CCSER1: variants seen among roughly 807,000 people sequenced by gnomAD.
The protein encoded by CCSER1 is serine-rich coiled-coil domain-containing protein 1.
In CCSER1, 41 loss-of-function variants were observed where a neutral mutation model predicts 82.0. The observed-to-expected ratio is 0.50, with a 90% CI of 0.39 to 0.65. CCSER1 has a LOEUF of 0.65. Ranked by LOEUF, CCSER1 falls within the 30% of genes least tolerant of loss-of-function variation. The pLI, the probability that CCSER1 is intolerant of heterozygous loss-of-function variation, is 0.00. For synonymous variants in CCSER1, 414 were observed against 383.9 expected (o/e 1.08, Z -0.92); for missense variants, 1,119 against 1,064.2 (o/e 1.05, Z -0.72).
intron 3 of CCSER1, among the ~76,000 whole-genome samples, chr4:90,333,547 A>G (rs1322886255): frequency 6.6e-6 from 1 of 152,252 alleles, no homozygotes; most frequent in Non-Finnish European, 1.5e-5. Flanking sequence ...AAGAAGAGAC[A>G]TGCCTGGTCT....
intron 9 of CCSER1, among the ~76,000 whole-genome samples, chr4:90,957,599 T>A (rs534947941): frequency 3.1e-5 from 4 of 127,134 alleles, no homozygotes; most frequent in East Asian, 2.1e-4. Context: ...TTATTTATAT[T>A]ATATATAATA....
At chr4:90,566,747 C>T (rs1490948017) in intron 5 of CCSER1, among the ~76,000 whole-genome samples, 7 of 151,906 alleles carry the variant, frequency 4.6e-5, no homozygotes, top group African/African-American at 1.7e-4. Context: ...GGACTACAGA[C>T]GCCCGCCACC....
intron 1 of CCSER1, among the ~76,000 whole-genome samples, chr4:90,304,408 T>A (rs370317733): frequency 5.9e-5 from 9 of 152,248 alleles, no homozygotes; most frequent in South Asian, 2.1e-4. Flanking sequence ...CAAATGTCCA[T>A]CAATGATAGA....
At chr4:90,904,260 A>G (rs1725113615) in intron 8 of CCSER1, among the ~76,000 whole-genome samples, 1 of 152,124 alleles carries the variant, frequency 6.6e-6, no homozygotes, top group Admixed American at 6.6e-5. Context: ...TACCAACTGT[A>G]ATTAACAACA....
chr4:91,444,553 G>A (rs182133044), intron 10 of CCSER1, among the ~76,000 whole-genome samples: 6 of 151,912 alleles, frequency 3.9e-5, no homozygotes, highest in East Asian at 2.0e-4. Flanking sequence ...GGGTTCAAGC[G>A]ATCCTCCTGC....
At chr4:91,438,841 G>C (rs941690869) in intron 10 of CCSER1, among the ~76,000 whole-genome samples, 7 of 152,280 alleles carry the variant, frequency 4.6e-5, no homozygotes, top group Non-Finnish European at 8.8e-5. Flanking sequence ...AATGCAGAAG[G>C]CTCAGGAGCC....
intron 9 of CCSER1, among the ~76,000 whole-genome samples, chr4:91,009,442 C>G (rs562658364): frequency 6.6e-6 from 1 of 152,120 alleles, no homozygotes; most frequent in African/African-American, 2.4e-5. Flanking sequence ...TTGCAAGCCC[C>G]GCGTTTAAAG....
chr4:91,356,298 C>A (rs113230444), intron 10 of CCSER1, among the ~76,000 whole-genome samples: 3,011 of 152,288 alleles, frequency 0.02, 92 homozygotes, highest in African/African-American at 0.067. Context: ...GGCCGACATG[C>A]GTTTTTCTTT....
At chr4:90,554,800 G>C (rs1160559694) in intron 5 of CCSER1, among the ~76,000 whole-genome samples, 1 of 152,154 alleles carries the variant, frequency 6.6e-6, no homozygotes, top group African/African-American at 2.4e-5. Context: ...CGTTTTTAAG[G>C]GAGATATCTG....
chr4:90,570,019 G>A lies in CCSER1; in HGVS notation c.1725-58006G>A, dbSNP rs558396158. On this transcript the variant is annotated intron_variant, in intron 5 of 10. Transcript: ENST00000509176. ...GGACAAACCCACGGGTATGGTCCCA[G>A]TTCCTCAGGACTGGAAAGCACTTCT... is the stretch of plus-strand genomic sequence containing the variant. Among the ~76,000 whole-genome samples the A allele has an allele frequency of 5.3e-5, 8 of 152,320 alleles. No individual in the cohort carries two copies. In the East Asian group the frequency reaches 1.5e-3, roughly 29 times the overall value.
At chr4:91,228,455 G>C (rs572555780) in intron 10 of CCSER1, among the ~76,000 whole-genome samples, 31 of 151,816 alleles carry the variant, frequency 2.0e-4, no homozygotes, top group Admixed American at 7.2e-4. Flanking sequence ...AATGCAGAAT[G>C]AGATTAGTTA....
intron 6 of CCSER1, chr4:90,649,682 G>C (rs987535334): frequency 2.6e-5 from 4 of 152,118 alleles, no homozygotes; most frequent in African/African-American, 9.7e-5. Context: ...TGTTATAGCA[G>C]CCCAAACATA....
intron 9 of CCSER1, among the ~76,000 whole-genome samples, chr4:91,083,992 A>G (rs1208497713): frequency 2.0e-5 from 3 of 152,154 alleles, no homozygotes; most frequent in Non-Finnish European, 4.4e-5. Context: ...CAATACTCCC[A>G]TGATCTCGAC....
At chr4:90,554,006 A>G (rs1338845483) in intron 5 of CCSER1, among the ~76,000 whole-genome samples, 2 of 152,214 alleles carry the variant, frequency 1.3e-5, no homozygotes, top group African/African-American at 2.4e-5. Context: ...TCTTTTCTAC[A>G]TATCACAATG....
chr4:90,843,147 C>G (rs1209214082), intron 8 of CCSER1, among the ~76,000 whole-genome samples: 2 of 152,112 alleles, frequency 1.3e-5, no homozygotes, highest in Admixed American at 6.5e-5. Context: ...GTTACATAAC[C>G]TCTCATTTCT....
chr4:90,705,895 G>A (rs1739247337), intron 6 of CCSER1, among the ~76,000 whole-genome samples: 1 of 152,196 alleles, frequency 6.6e-6, no homozygotes, highest in South Asian at 2.1e-4. Flanking sequence ...TGCTAGGAAA[G>A]GGAATTCCCT....
chr4:90,766,789 C>T (rs1751309289), intron 7 of CCSER1, among the ~76,000 whole-genome samples: 2 of 151,920 alleles, frequency 1.3e-5, no homozygotes, highest in South Asian at 4.2e-4. Flanking sequence ...TTGGCAATAA[C>T]TCATACATAT....
At chr4:91,225,353 T>C (rs13112031) in intron 10 of CCSER1, among the ~76,000 whole-genome samples, 5 of 34,778 alleles carry the variant, frequency 1.4e-4, no homozygotes, top group Non-Finnish European at 2.5e-4. Context: ...AATATATATG[T>C]ATATATATTA....
chr4:91,496,743 AT>A lies in CCSER1; in HGVS notation c.2218-101828del, dbSNP rs1181162551. 9.7e-5 allele frequency among the ~76,000 whole-genome samples: 6 copies of A among 61,596 alleles called. No individual in the cohort carries two copies. In the East Asian group the frequency reaches 5.3e-3, roughly 55 times the overall value. 40.4% of individuals were successfully genotyped at this position (61,596 alleles called of 152,430 possible). The stretch of plus-strand genomic sequence containing the variant: ...TATAGAATATATATATATATTGAAT[AT>A]ATATTTGAATATATATATATTCAAT... On this transcript the variant is annotated intron_variant, in intron 10 of 10. Transcript: ENST00000509176.
Sources: allele counts gnomAD v4.1 joint callset (sites outside exome capture counted in the v4.1 genomes callset), GRCh38; gene constraint gnomAD v4.1.1; transcripts MANE v1.5; gene names NCBI Gene and HGNC (gene_info 2026-07-23, HGNC 2026-07-21).